ADAMTS6: variants seen among roughly 807,000 people sequenced by gnomAD.
ADAMTS6 encodes ADAM metallopeptidase with thrombospondin type 1 motif 6, also known as A disintegrin and metalloproteinase with thrombospondin motifs 6.
Under a neutral mutation model 144.3 loss-of-function variants are expected in ADAMTS6, and 23 were observed. That is an observed-to-expected ratio of 0.16 (90% CI 0.11 to 0.23). The LOEUF is 0.23. Among genes scored for constraint, ADAMTS6 ranks in the 10% least tolerant of loss-of-function variants. The pLI, the probability that ADAMTS6 is intolerant of heterozygous loss-of-function variation, is 1.00. For synonymous variants in ADAMTS6, 444 were observed against 457.5 expected (o/e 0.97, Z 0.38); for missense variants, 999 against 1,379.6 (o/e 0.72, Z 4.37).
In ADAMTS6 at chr5:65,273,364, A is replaced by G. The variant is rs762385052; in HGVS notation, c.1596T>C (p.Cys532=). Reference sequence around the variant, plus strand: ...CCCCTTTTTCAATATTCCCAGTTTGACACAGTGTCCCCTCAGCTGCTGGAA... The same window carrying G: ...CCCCTTTTTCAATATTCCCAGTTTGGCACAGTGTCCCCTCAGCTGCTGGAA... The part of the protein sequence containing the change: ...NSIPAAEGTL[C]QTGNIEKGWC... Residue 532 remains cysteine, a synonymous_variant, in exon 12 of 25, where the codon TGT becomes TGC. Transcript: ENST00000381055. 6.2e-7 allele frequency: 1 copy of G among 1,613,868 alleles called. No individual in the cohort carries two copies. Among genetic ancestry groups the G allele is most frequent in the Non-Finnish European group, 8.5e-7 (1 of 1,179,796 alleles).
chr5:65,400,330 C>T (rs1050926092), intron 7 of ADAMTS6, among the ~76,000 whole-genome samples: 2 of 152,162 alleles, frequency 1.3e-5, no homozygotes, highest in African/African-American at 4.8e-5. Flanking sequence ...CCTACCTTTG[C>T]CTCCTGAATA....
chr5:65,371,155 C>A (rs569996633), intron 7 of ADAMTS6, among the ~76,000 whole-genome samples: 5 of 152,228 alleles, frequency 3.3e-5, no homozygotes, highest in African/African-American at 1.2e-4. Context: ...GTAGATAAAA[C>A]CACAAAGATG....
chr5:65,223,059 G>A (rs1757441929), intron 18 of ADAMTS6, among the ~76,000 whole-genome samples: 1 of 151,952 alleles, frequency 6.6e-6, no homozygotes, highest in South Asian at 2.1e-4. Flanking sequence ...AATCCATATG[G>A]ATAAAATTAA....
intron 23 of ADAMTS6, 70 bp downstream of exon 23, chr5:65,172,762 C>G: frequency 6.5e-7 from 1 of 1,531,420 alleles, no homozygotes; most frequent in Non-Finnish European, 8.8e-7. Flanking sequence ...TTACAATGAT[C>G]ACACAAGGAA....
At chr5:65,400,996 G>A (rs1753869873) in intron 7 of ADAMTS6, among the ~76,000 whole-genome samples, 1 of 152,120 alleles carries the variant, frequency 6.6e-6, no homozygotes, top group Admixed American at 6.5e-5. Context: ...ATTAATCATA[G>A]TAGTAAATTC....
At chr5:65,303,472 A>G (rs1195941350) in intron 9 of ADAMTS6, among the ~76,000 whole-genome samples, 1 of 152,080 alleles carries the variant, frequency 6.6e-6, no homozygotes, top group Non-Finnish European at 1.5e-5. Context: ...AAAATTTGTA[A>G]TATGTATATA....
chr5:65,289,352 T>G (rs545526536), intron 11 of ADAMTS6, among the ~76,000 whole-genome samples: 138 of 152,266 alleles, frequency 9.1e-4, no homozygotes, highest in African/African-American at 3.2e-3. Context: ...TTGGCCAACA[T>G]GGTGAAACCC....
chr5:65,423,816 T>C (rs1756275523), intron 7 of ADAMTS6, among the ~76,000 whole-genome samples: 1 of 152,210 alleles, frequency 6.6e-6, no homozygotes, highest in Admixed American at 6.5e-5. Context: ...CTATGCATTT[T>C]GCACTTTAAT....
At chr5:65,197,289 A>C in intron 20 of ADAMTS6, 138 bp from the exon 21 acceptor site, 1 of 728,210 alleles carries the variant, frequency 1.4e-6, no homozygotes, top group Non-Finnish European at 2.0e-6. Flanking sequence ...CTGCTTCTCT[A>C]AAATGGAGAG....
intron 24 of ADAMTS6, among the ~76,000 whole-genome samples, chr5:65,160,641 T>C (rs968092110): frequency 7.4e-6 from 1 of 134,962 alleles, no homozygotes; most frequent in Non-Finnish European, 1.5e-5. Context: ...CTAAAAGGCA[T>C]TTCTTTCCTC....
chr5:65,440,323 C>T (rs1462237016), intron 7 of ADAMTS6, among the ~76,000 whole-genome samples: 1 of 152,096 alleles, frequency 6.6e-6, no homozygotes, highest in Non-Finnish European at 1.5e-5. Context: ...ATTTGCAATA[C>T]ACTAGACATC....
At chr5:65,398,784 GAA>G (rs532013472) in intron 7 of ADAMTS6, among the ~76,000 whole-genome samples, 7,484 of 48,506 alleles carry the variant, frequency 0.15, 634 homozygotes, top group East Asian at 0.17. Flanking sequence ...GAGAGAGCAA[GAA>G]AGAAAGAAAG....
At chr5:65,454,383 T>C (rs1013579719) in intron 4 of ADAMTS6, among the ~76,000 whole-genome samples, 5 of 152,210 alleles carry the variant, frequency 3.3e-5, no homozygotes, top group Non-Finnish European at 7.3e-5. Context: ...CTAAGTTAAA[T>C]GAGTGTCTTC....
At chr5:65,464,756 T>C (rs995633920) in intron 3 of ADAMTS6, among the ~76,000 whole-genome samples, 3 of 152,200 alleles carry the variant, frequency 2.0e-5, no homozygotes, top group African/African-American at 7.2e-5. Context: ...TTGAGCATTA[T>C]CAATATTTGG....
At chr5:65,290,408 G>A (rs1314392767) in intron 11 of ADAMTS6, among the ~76,000 whole-genome samples, 3 of 151,948 alleles carry the variant, frequency 2.0e-5, no homozygotes, top group Non-Finnish European at 2.9e-5. Flanking sequence ...AAAATCAGCC[G>A]GGCATGATGG....
intron 18 of ADAMTS6, among the ~76,000 whole-genome samples, chr5:65,218,464 T>C (rs1757083229): frequency 6.6e-6 from 1 of 152,076 alleles, no homozygotes. Flanking sequence ...AGGAGGAGAA[T>C]GTGATTCAAA....
At chr5:65,370,334 G>A (rs576187418) in intron 7 of ADAMTS6, among the ~76,000 whole-genome samples, 9 of 152,202 alleles carry the variant, frequency 5.9e-5, no homozygotes, top group African/African-American at 1.2e-4. Context: ...CGCAGAAGGC[G>A]GGTGATTTCT....
Position 65,459,919 on chromosome 5 carries a change from G to C in ADAMTS6, c.631+251C>G, listed in dbSNP as rs547244639. On this transcript the variant is annotated intron_variant, in intron 4 of 24. Coordinates refer to ENST00000381055, the MANE Select transcript of ADAMTS6 (RefSeq NM_197941.4). ...AGCTATTACCTAAGTAAAATAAAAT[G>C]GTTATTTTTTTCCCTTCAACCAAAA... is the stretch of plus-strand genomic sequence containing the variant. Among the ~76,000 whole-genome samples, 7 of 152,074 alleles carry C rather than the reference G, an allele frequency of 4.6e-5. No homozygotes were observed. In the East Asian group the frequency reaches 5.8e-4, roughly 13 times the overall value.
intron 11 of ADAMTS6, among the ~76,000 whole-genome samples, chr5:65,277,177 G>A (rs1422874166): frequency 6.6e-6 from 1 of 152,166 alleles, no homozygotes; most frequent in Non-Finnish European, 1.5e-5. Context: ...CTTCCAATCA[G>A]TTAGGAGGAA....
Sources: allele counts gnomAD v4.1 joint callset (sites outside exome capture counted in the v4.1 genomes callset), GRCh38; gene constraint gnomAD v4.1.1; transcripts MANE v1.5; gene names NCBI Gene and HGNC (gene_info 2026-07-23, HGNC 2026-07-21).